Variants in WIPI1 observed in about 807,000 individuals in gnomAD.
WIPI1 encodes WD repeat domain phosphoinositide-interacting protein 1.
In WIPI1, 45 loss-of-function variants were observed where a neutral mutation model predicts 55.3. The ratio of observed to expected loss-of-function variants is 0.81; its 90% CI spans 0.64 to 1.04. The LOEUF is 1.04. Ranked by LOEUF, WIPI1 falls within the 50% of genes least tolerant of loss-of-function variation. The pLI is 0.00. For synonymous variants in WIPI1, 195 were observed against 217.6 expected (o/e 0.90, Z 0.92); for missense variants, 445 against 559.0 (o/e 0.80, Z 2.06).
rs79506312 is a variant in WIPI1, at chr17:68,436,200, T to C, written c.528+182A>G. On this transcript the variant is annotated intron_variant, in intron 5 of 12. Transcript: ENST00000262139. ...TAACTTGGCCTGGCCAGCTGGCTTA[T>C]GGTGAGGTTGACTCACAGCAAGCCC... Among the ~76,000 whole-genome samples, 6,362 of 152,282 alleles carry C rather than the reference T, an allele frequency of 0.042. 400 individuals are homozygous for C. Among genetic ancestry groups the C allele is most frequent in the African/African-American group, 0.13 (5,492 of 41,546 alleles).
intron 4 of WIPI1, 63 bp downstream of exon 4, chr17:68,444,430 G>A (rs558914078): frequency 2.0e-6 from 3 of 1,472,834 alleles, no homozygotes; most frequent in African/African-American, 2.8e-5. Flanking sequence ...GGAAAATAAA[G>A]CTTGGGAAAG....
chr17:68,432,512 G>C (rs985547545), intron 8 of WIPI1, among the ~76,000 whole-genome samples: 3 of 152,194 alleles, frequency 2.0e-5, no homozygotes, highest in Non-Finnish European at 4.4e-5. Context: ...ACTTTGGGAG[G>C]TTGAGGCGGG....
intron 4 of WIPI1, among the ~76,000 whole-genome samples, chr17:68,443,261 C>T (rs2084155359): frequency 6.6e-6 from 1 of 152,122 alleles, no homozygotes; most frequent in Admixed American, 6.6e-5. Flanking sequence ...CAGGCACTCG[C>T]CACCATGCTC....
intron 4 of WIPI1, among the ~76,000 whole-genome samples, chr17:68,437,988 T>C (rs2083901650): frequency 1.4e-5 from 2 of 142,892 alleles, no homozygotes; most frequent in Non-Finnish European, 3.0e-5. Flanking sequence ...CTGGCGTCTA[T>C]TACAAGTTAG....
At chr17:68,424,704 C>G (rs150043536) in intron 12 of WIPI1, among the ~76,000 whole-genome samples, 3 of 152,206 alleles carry the variant, frequency 2.0e-5, no homozygotes, top group Non-Finnish European at 4.4e-5. Context: ...GGTGAAACCC[C>G]GTCTCTACTA....
intron 3 of WIPI1, among the ~76,000 whole-genome samples, chr17:68,450,407 C>T (rs929595600): frequency 6.6e-6 from 1 of 152,186 alleles, no homozygotes. Flanking sequence ...GGTGCTCTTG[C>T]GGTGGCTCAT....
intron 4 of WIPI1, among the ~76,000 whole-genome samples, chr17:68,438,420 G>A (rs186014934): frequency 6.6e-6 from 1 of 152,320 alleles, no homozygotes; most frequent in African/African-American, 2.4e-5. Flanking sequence ...TTCTAGTCTT[G>A]TGAAACTGGG....
chr17:68,437,923 G>A (rs1490461284), intron 4 of WIPI1, among the ~76,000 whole-genome samples: 2 of 111,972 alleles, frequency 1.8e-5, no homozygotes, highest in African/African-American at 3.4e-5. Context: ...GAAACTTTGA[G>A]ATCACGCAAG....
intron 11 of WIPI1, 119 bp from the exon 12 acceptor site, chr17:68,426,294 T>G: frequency 2.5e-6 from 2 of 785,370 alleles, no homozygotes; most frequent in Non-Finnish European, 4.2e-6. Context: ...GCTGTCTGTC[T>G]TCCCCCTGGA....
At chr17:68,436,683 A>C (rs2083807597) in intron 4 of WIPI1, among the ~76,000 whole-genome samples, 1 of 152,208 alleles carries the variant, frequency 6.6e-6, no homozygotes, top group Non-Finnish European at 1.5e-5. Flanking sequence ...CTCCTGATTT[A>C]ACACTGGCTG....
chr17:68,433,876 G>A (rs138443197), intron 7 of WIPI1, among the ~76,000 whole-genome samples: 7,270 of 140,896 alleles, frequency 0.052, 266 homozygotes, highest in Non-Finnish European at 0.075. Flanking sequence ...TCTACCTCCT[G>A]GGTTCAAGCG....
intron 3 of WIPI1, 112 bp from the exon 4 acceptor site, chr17:68,444,701 A>G (rs1239188847): frequency 1.2e-6 from 1 of 817,174 alleles, no homozygotes; most frequent in African/African-American, 1.7e-5. Context: ...AGCCTAAAGC[A>G]GAATTTTGAT....
At chr17:68,437,000 A>AT in intron 4 of WIPI1, among the ~76,000 whole-genome samples, 1 of 60,726 alleles carries the variant, frequency 1.6e-5, no homozygotes, top group Admixed American at 1.7e-4. Context: ...TCTCAAAAAA[A>AT]AAAAAATATA....
chr17:68,426,114 C>T lies in WIPI1; in HGVS notation c.1254G>A (p.Thr418=), dbSNP rs759100695. The T allele has an allele frequency of 4.3e-6, 7 of 1,612,658 alleles. No homozygotes were observed. The Admixed American group carries it at 5.0e-5, about 12-fold the overall frequency. ...TCTCATCATCAAGACACACTGGTCCCGTCGCAAACTCATGTTCAGGAATAA... is the reference window on the plus strand; with the variant it reads ...TCTCATCATCAAGACACACTGGTCCTGTCGCAAACTCATGTTCAGGAATAA... ...GEVIPEHEFA[T]GPVCLDDENE... Residue 418 remains threonine, a synonymous_variant, in exon 12 of 13, where the codon ACG becomes ACA. Transcript: ENST00000262139.
chr17:68,446,048 T>C (rs1164571099), intron 3 of WIPI1, among the ~76,000 whole-genome samples: 1 of 152,116 alleles, frequency 6.6e-6, no homozygotes, highest in Non-Finnish European at 1.5e-5. Context: ...TACCAAAAAA[T>C]ACCACACAAA....
intron 4 of WIPI1, among the ~76,000 whole-genome samples, chr17:68,437,012 A>ATGTGTGTGTGTGTGTGTG (rs1568637117): frequency 1.8e-4 from 15 of 82,064 alleles, no homozygotes; most frequent in African/African-American, 7.2e-4. Flanking sequence ...AAAAATATAT[A>ATGTGTGTGTGTGTGTGTG]TATATGTGTG....
At chr17:68,426,247 A>AGGGGGGGGGG in intron 11 of WIPI1, 72 bp from the exon 12 acceptor site, 2 of 655,810 alleles carry the variant, frequency 3.0e-6, no homozygotes, top group Non-Finnish European at 2.3e-6. Flanking sequence ...GCGGGTGGGG[A>AGGGGGGGGGG]GCGGGGGCTC....
rs1347398935 is a variant in WIPI1, at chr17:68,428,956, T to C, written c.966-20A>G. On this transcript the variant is annotated intron_variant, in intron 9 of 12. Coordinates refer to ENST00000262139, the MANE Select transcript of WIPI1 (RefSeq NM_017983.7). ...TGGATCCTAAGGGCCAAGGAAAACA[T>C]AAACCGTGATGACAACGAAGATGGG... is the stretch of plus-strand genomic sequence containing the variant. 6.3e-7 allele frequency: 1 copy of C among 1,590,334 alleles called. No individual in the cohort carries two copies. Among genetic ancestry groups the C allele is most frequent in the Non-Finnish European group, 8.6e-7 (1 of 1,159,784 alleles).
rs118172374 is a variant in WIPI1, at chr17:68,421,579, C to T, written c.*194G>A. 0.015 allele frequency: 10,003 copies of T among 662,750 alleles called. 82 individuals are homozygous for T. Among genetic ancestry groups the T allele is most frequent in the Non-Finnish European group, 0.02 (7,254 of 371,920 alleles). The allele number at this position is 662,750 out of a possible 1,614,324, so 41.1% of individuals were successfully genotyped here. A position where few individuals can be genotyped will look rare whatever the true frequency, so the allele number is the denominator to read the frequency against. ...AGCATGATGTGTATACAATGTCTCC[C>T]GCGCCCATTGGCAACCAGGGTCGTG... is the stretch of plus-strand genomic sequence containing the variant. On this transcript the variant is annotated 3_prime_UTR_variant, in exon 13 of 13. Coordinates refer to ENST00000262139, the MANE Select transcript of WIPI1 (RefSeq NM_017983.7).
Sources: gnomAD v4.1 joint callset for allele counts (sites outside exome capture counted in the v4.1 genomes callset) on GRCh38, gnomAD v4.1.1 for gene constraint, MANE v1.5 for transcripts, NCBI Gene and HGNC (gene_info 2026-07-23, HGNC 2026-07-21) for gene names.